The following TRIM55 variants were observed in gnomAD, a reference collection of about 807,000 sequenced individuals.
TRIM55 encodes the protein tripartite motif containing 55.
In TRIM55, 50 loss-of-function variants were observed where a neutral mutation model predicts 60.9. The ratio of observed to expected loss-of-function variants is 0.82; its 90% CI spans 0.65 to 1.04. TRIM55 has a LOEUF of 1.04. Among genes scored for constraint, TRIM55 ranks in the 50% least tolerant of loss-of-function variants. TRIM55 has a pLI of 0.00. For missense variants in TRIM55, 681 were observed against 666.9 expected (o/e 1.02, Z -0.23); for synonymous variants, 237 against 238.1 (o/e 1.00, Z 0.04).
chr8:66,122,432 T>G (rs1808667793), upstream of TRIM55, among the ~76,000 whole-genome samples: 1 of 152,168 alleles, frequency 6.6e-6, no homozygotes, highest in South Asian at 2.1e-4. Flanking sequence ...ATGTGTTGAT[T>G]GATGTCTCAT....
chr8:66,155,792 A>C (rs1259413485), intron 9 of TRIM55: 2 of 979,594 alleles, frequency 2.0e-6, no homozygotes, highest in Non-Finnish European at 3.1e-6. Context: ...CCCAGAGATT[A>C]ATTTCTCCCC....
the TRIM55 span, among the ~76,000 whole-genome samples, chr8:66,120,488 G>C: frequency 6.6e-6 from 1 of 152,192 alleles, no homozygotes; most frequent in South Asian, 2.1e-4. Flanking sequence ...GCCATGTGAT[G>C]TCAGCCCAAC....
the TRIM55 span, among the ~76,000 whole-genome samples, chr8:66,121,267 A>C: frequency 2.0e-5 from 3 of 152,134 alleles, no homozygotes; most frequent in Non-Finnish European, 4.4e-5. Flanking sequence ...GTCTTAACAT[A>C]CTCCAGCCCC....
At chr8:66,136,716 T>C (rs1171081687) in intron 3 of TRIM55, among the ~76,000 whole-genome samples, 2 of 152,246 alleles carry the variant, frequency 1.3e-5, no homozygotes, top group Non-Finnish European at 2.9e-5. Flanking sequence ...AAGTATTTGT[T>C]GAATAAATGA....
At chr8:66,164,961 G>A (rs1811244876) in intron 9 of TRIM55, among the ~76,000 whole-genome samples, 1 of 151,428 alleles carries the variant, frequency 6.6e-6, no homozygotes, top group Admixed American at 6.6e-5. Context: ...AAGGAAGGAA[G>A]GAAGGAAGGA....
At position 66,161,183 on chromosome 8, in the gene TRIM55, A is replaced by T. The variant is rs140744725; in HGVS notation, c.1524+6849A>T. Among the ~76,000 whole-genome samples, 456 of 152,244 alleles carry T rather than the reference A, an allele frequency of 3.0e-3. 2 individuals carry two copies. The highest frequency in any genetic ancestry group is 0.011 in the African/African-American group (439 of 41,550). ...TAGATTTAAGATGGATTTAAGATCC[A>T]TCTTGAGTTGATTTTTGTATAAGGT... On this transcript the variant is annotated intron_variant, in intron 9 of 9. Coordinates refer to ENST00000315962, the MANE Select transcript of TRIM55 (RefSeq NM_184085.2).
At chr8:66,137,294 C>A (rs1156817566) in intron 4 of TRIM55, 104 bp downstream of exon 4, 3 of 798,018 alleles carry the variant, frequency 3.8e-6, no homozygotes, top group Non-Finnish European at 2.0e-6. Context: ...ACCTTTCATT[C>A]TTTGCTTCTA....
At chr8:66,143,715 C>T (rs1809952145) in intron 4 of TRIM55, among the ~76,000 whole-genome samples, 1 of 151,780 alleles carries the variant, frequency 6.6e-6, no homozygotes, top group Non-Finnish European at 1.5e-5. Flanking sequence ...ACATTTTATT[C>T]ATTCATTCAT....
At chr8:66,120,305 C>G in the TRIM55 span, among the ~76,000 whole-genome samples, 1 of 152,188 alleles carries the variant, frequency 6.6e-6, no homozygotes, top group Non-Finnish European at 1.5e-5. Context: ...TGTCCCAAGT[C>G]CCTGAGTGGG....
chr8:66,170,725 A>G (rs1025965081), intron 9 of TRIM55, among the ~76,000 whole-genome samples: 1 of 152,232 alleles, frequency 6.6e-6, no homozygotes, highest in African/African-American at 2.4e-5. Flanking sequence ...AGCAGCTGCT[A>G]TAGAAAACAG....
chr8:66,124,079 G>A (rs1808731592), upstream of TRIM55, among the ~76,000 whole-genome samples: 1 of 152,146 alleles, frequency 6.6e-6, no homozygotes, highest in Non-Finnish European at 1.5e-5. Flanking sequence ...CTCAGGCTCA[G>A]GCATCTGAGT....
intron 9 of TRIM55, among the ~76,000 whole-genome samples, chr8:66,160,114 A>G (rs1441093477): frequency 6.6e-6 from 1 of 152,062 alleles, no homozygotes; most frequent in Non-Finnish European, 1.5e-5. Flanking sequence ...TGTACACTGT[A>G]CCCAATGTGT....
chr8:66,167,030 C>T (rs1198453329), intron 9 of TRIM55, among the ~76,000 whole-genome samples: 1 of 152,186 alleles, frequency 6.6e-6, no homozygotes, highest in Non-Finnish European at 1.5e-5. Context: ...GCCGATCCTT[C>T]AGTTGCATCC....
chr8:66,116,006 A>G, the TRIM55 span, among the ~76,000 whole-genome samples: 273 of 152,322 alleles, frequency 1.8e-3, no homozygotes, highest in Middle Eastern at 6.8e-3. Context: ...CCGGGCAAGC[A>G]TAGCATCATA....
chr8:66,127,274 C>A lies in TRIM55; in HGVS notation c.6C>A (p.Ser2Arg). 6.2e-7 allele frequency: 1 copy of A among 1,613,760 alleles called. No homozygotes were observed. The highest frequency in any genetic ancestry group is 8.5e-7 in the Non-Finnish European group (1 of 1,179,762). Residue 2 changes from serine (S) to arginine (R), a missense_variant, in exon 1 of 10, where the codon AGC becomes AGA. Physicochemically the swap from Ser to Arg is moderately radical, Grantham distance 110. Coordinates refer to ENST00000315962, the MANE Select transcript of TRIM55 (RefSeq NM_184085.2). M[S>R]ASLNYKSFSK... ...CACTTGGGGACAGCGAGGAGATGAG[C>A]GCATCTCTGAATTACAAATCTTTTT...
At chr8:66,165,979 C>A (rs1811309266) in intron 9 of TRIM55, among the ~76,000 whole-genome samples, 1 of 151,532 alleles carries the variant, frequency 6.6e-6, no homozygotes, top group African/African-American at 2.4e-5. Context: ...TGAGAAAGTG[C>A]CAGATATTGG....
chr8:66,159,221 A>G (rs1810913316), intron 9 of TRIM55, among the ~76,000 whole-genome samples: 1 of 152,096 alleles, frequency 6.6e-6, no homozygotes, highest in Admixed American at 6.6e-5. Context: ...TCTGGCAACC[A>G]CTGATGTGTT....
intron 4 of TRIM55, among the ~76,000 whole-genome samples, chr8:66,147,601 C>T (rs1390199945): frequency 2.0e-5 from 3 of 151,880 alleles, no homozygotes; most frequent in African/African-American, 7.3e-5. Context: ...TTGAGATCAG[C>T]CTGACCAATA....
At chr8:66,162,596 A>C (rs914151472) in intron 9 of TRIM55, among the ~76,000 whole-genome samples, 2 of 151,876 alleles carry the variant, frequency 1.3e-5, no homozygotes, top group African/African-American at 4.8e-5. Context: ...TAGGATTGGT[A>C]CCAATTCTTC....
Sources: gnomAD v4.1 joint callset for allele counts (sites outside exome capture counted in the v4.1 genomes callset) on GRCh38, gnomAD v4.1.1 for gene constraint, MANE v1.5 for transcripts, NCBI Gene and HGNC (gene_info 2026-07-23, HGNC 2026-07-21) for gene names.